Variants in CTBP2 observed in about 807,000 individuals in gnomAD.
CTBP2 encodes C-terminal-binding protein 2.
In CTBP2, 30 loss-of-function variants were observed where a neutral mutation model predicts 80.3. The ratio of observed to expected loss-of-function variants is 0.37; its 90% CI spans 0.28 to 0.51. The LOEUF (loss-of-function observed/expected upper bound fraction) is 0.51. Among genes scored for constraint, CTBP2 ranks in the 20% least tolerant of loss-of-function variants. The pLI, the probability that CTBP2 is intolerant of heterozygous loss-of-function variation, is 0.93. For synonymous variants in CTBP2, 594 were observed against 587.4 expected (o/e 1.01, Z -0.16); for missense variants, 1,212 against 1,375.3 (o/e 0.88, Z 1.88).
At position 124,986,287 on chromosome 10, in the gene CTBP2, G is replaced by GAAA. The variant is rs1952037600; in HGVS notation, c.*3230_*3231insTTT. The GAAA allele has an allele frequency of 1.4e-5, 1 of 73,022 alleles. No homozygotes were observed. The allele number at this position is 73,022 out of a possible 1,614,324, so 4.5% of individuals were successfully genotyped here. A position where few individuals can be genotyped will look rare whatever the true frequency, so the allele number is the denominator to read the frequency against. ...GGAAAGACGACACACGCACGCGCGC[G>GAAA]CGCGCACACACACACACACACACAC... On this transcript the variant is annotated 3_prime_UTR_variant, in exon 9 of 9. Coordinates refer to ENST00000309035, the MANE Select transcript of CTBP2 (RefSeq NM_022802.3).
intron 1 of CTBP2, among the ~76,000 whole-genome samples, chr10:125,144,555 C>A (rs547196878): frequency 6.6e-6 from 1 of 152,322 alleles, no homozygotes; most frequent in East Asian, 1.9e-4. Flanking sequence ...TGCCACAAAA[C>A]GAGTTCACTC....
In CTBP2 at chr10:124,994,749, T is replaced by C. The variant is rs567422161; in HGVS notation, c.2186-66A>G. The C allele has an allele frequency of 4.8e-5, 72 of 1,512,600 alleles. No individual in the cohort carries two copies. In the African/African-American group the frequency reaches 7.8e-4, roughly 16 times the overall value. 93.7% of individuals were successfully genotyped at this position (1,512,600 alleles called of 1,614,324 possible). The stretch of plus-strand genomic sequence containing the variant: ...CCGCGCCCCAGCGCTGCCACCTCCA[T>C]TGCTTCTGAGCTGAGTCCGGGCTTG... On this transcript the variant is annotated intron_variant, in intron 4 of 8. Coordinates refer to ENST00000309035, the MANE Select transcript of CTBP2 (RefSeq NM_022802.3).
chr10:124,989,543 T>C lies in CTBP2; in HGVS notation c.2933A>G (p.Asn978Ser), dbSNP rs75839774. Reference sequence around the variant, plus strand: ...CTATTGCTCGTTGGGGTGCTCTCGATTGTCCCCGTGTTTTGTGGGCTGGTT... The same window carrying C: ...CTATTGCTCGTTGGGGTGCTCTCGACTGTCCCCGTGTTTTGTGGGCTGGTT... The change falls in exon 9 of 9, where the codon AAT becomes AGT. Residue 978 changes from asparagine to serine, a missense_variant. This residue lies in a region of CTBP2 where 335 missense variants were observed against 504.7 expected (regional missense o/e 0.66). Transcript: ENST00000309035. The C allele has an allele frequency of 3.7e-6, 6 of 1,613,218 alleles. No individual in the cohort carries two copies. Among genetic ancestry groups the C allele is most frequent in the Non-Finnish European group, 4.2e-6 (5 of 1,179,868 alleles).
chr10:125,097,871 C>T (rs1849784207), intron 2 of CTBP2, among the ~76,000 whole-genome samples: 2 of 152,126 alleles, frequency 1.3e-5, no homozygotes, highest in Admixed American at 6.5e-5. Context: ...CAGCACAGCA[C>T]CTTGGGAGGC....
chr10:125,035,955 C>T (rs1166811462), intron 3 of CTBP2, among the ~76,000 whole-genome samples: 1 of 151,536 alleles, frequency 6.6e-6, no homozygotes, highest in East Asian at 1.9e-4. Context: ...TGATAGCAGG[C>T]ATCAGAAAAA....
At chr10:125,049,919 G>T (rs1024172547) in intron 2 of CTBP2, among the ~76,000 whole-genome samples, 34 of 152,298 alleles carry the variant, frequency 2.2e-4, no homozygotes, top group African/African-American at 7.7e-4. Flanking sequence ...GGCCAGTGTA[G>T]CCACCGCCCC....
chr10:125,011,954 TG>T (rs1457438945), intron 1 of CTBP2, among the ~76,000 whole-genome samples: 1 of 152,186 alleles, frequency 6.6e-6, no homozygotes, highest in Non-Finnish European at 1.5e-5. Context: ...GCTCATGTTC[TG>T]GGGTGAATTT....
chr10:125,122,117 C>T (rs1854423800), intron 1 of CTBP2, among the ~76,000 whole-genome samples: 1 of 152,196 alleles, frequency 6.6e-6, no homozygotes, highest in Non-Finnish European at 1.5e-5. Flanking sequence ...AACTGCAGAG[C>T]CCCTAAAGGA....
Position 125,144,893 on chromosome 10 carries a change from T to C in CTBP2, c.-206+15426A>G, listed in dbSNP as rs529764110. ...CTGACACTGCCCAGCCTCATCTCAATACACACTGCTGCCCGGTCAAGAGTG... is the reference window on the plus strand; with the variant it reads ...CTGACACTGCCCAGCCTCATCTCAACACACACTGCTGCCCGGTCAAGAGTG... On this transcript the variant is annotated intron_variant, in intron 1 of 10. Coordinates refer to the CTBP2 transcript ENST00000337195. Among the ~76,000 whole-genome samples the C allele has an allele frequency of 4.6e-5, 7 of 152,318 alleles. No homozygotes were observed. The East Asian group carries it at 9.6e-4, about 21-fold the overall frequency.
At chr10:124,994,830 C>G in intron 4 of CTBP2, 147 bp from the exon 7 acceptor site, 1 of 838,804 alleles carries the variant, frequency 1.2e-6, no homozygotes, top group Non-Finnish European at 1.9e-6. Context: ...CTTAGTGAGG[C>G]CTGAGGCGAG....
At chr10:125,095,824 C>T (rs921428301) in intron 2 of CTBP2, among the ~76,000 whole-genome samples, 5 of 152,182 alleles carry the variant, frequency 3.3e-5, no homozygotes, top group Admixed American at 6.5e-5. Context: ...TTTACAAAAG[C>T]TCTGTGGTGA....
intron 2 of CTBP2, among the ~76,000 whole-genome samples, chr10:125,062,796 G>C (rs1433221834): frequency 6.6e-6 from 1 of 152,228 alleles, no homozygotes; most frequent in East Asian, 1.9e-4. Context: ...CTGGGAGATG[G>C]AGGTTGCACT....
At chr10:125,024,435 C>T (rs1485846200) in intron 1 of CTBP2, among the ~76,000 whole-genome samples, 2 of 152,214 alleles carry the variant, frequency 1.3e-5, no homozygotes, top group Non-Finnish European at 2.9e-5. Context: ...TGTTAGCAAT[C>T]ACACTGCAAA....
chr10:125,157,872 CT>C (rs1861211202), intron 1 of CTBP2, among the ~76,000 whole-genome samples: 1 of 152,108 alleles, frequency 6.6e-6, no homozygotes, highest in Admixed American at 6.5e-5. Flanking sequence ...ATTAACTTTT[CT>C]TTTGGGGGCA....
intron 1 of CTBP2, among the ~76,000 whole-genome samples, chr10:125,121,614 TGAAG>T (rs1450432239): frequency 4.6e-5 from 7 of 152,184 alleles, no homozygotes; most frequent in African/African-American, 1.7e-4. Flanking sequence ...AACACAGCCA[TGAAG>T]GAAGCACCCA....
At chr10:125,015,190 A>G (rs1565099331) in intron 1 of CTBP2, among the ~76,000 whole-genome samples, 1 of 152,208 alleles carries the variant, frequency 6.6e-6, no homozygotes, top group African/African-American at 2.4e-5. Flanking sequence ...CTTCTCAGGC[A>G]GCGGATTCAC....
intron 3 of CTBP2, chr10:125,000,864 C>G (rs1954375074): frequency 6.6e-6 from 1 of 152,270 alleles, no homozygotes; most frequent in African/African-American, 2.4e-5. Context: ...CATTCGGAGA[C>G]AAAGGACGTC....
chr10:125,005,660 C>CA (rs745515628), intron 1 of CTBP2: 1 of 1,612,956 alleles, frequency 6.2e-7, no homozygotes, highest in East Asian at 2.2e-5. Flanking sequence ...ACCCGACACA[C>CA]ATGGCTCCCA....
intron 2 of CTBP2, among the ~76,000 whole-genome samples, chr10:125,062,213 C>T (rs188554534): frequency 6.6e-6 from 1 of 151,966 alleles, no homozygotes; most frequent in African/African-American, 2.4e-5. Context: ...CGGTTCTGGA[C>T]TACTAGAAAG....
Sources: allele counts gnomAD v4.1 joint callset (sites outside exome capture counted in the v4.1 genomes callset), GRCh38; gene constraint gnomAD v4.1.1; regional missense constraint gnomAD v4.1.1; transcripts MANE v1.5; gene names NCBI Gene and HGNC (gene_info 2026-07-23, HGNC 2026-07-21).